CBL: variants seen among roughly 807,000 people sequenced by gnomAD.
The protein encoded by CBL is E3 ubiquitin-protein ligase CBL.
A neutral mutation model predicts 96.9 loss-of-function variants in CBL; 45 were observed. The observed-to-expected ratio is 0.46, with a 90% confidence interval of 0.37 to 0.60. The LOEUF (loss-of-function observed/expected upper bound fraction) is 0.60. Ranked by LOEUF, CBL falls within the 20% of genes least tolerant of loss-of-function variation. The probability of loss-of-function intolerance (pLI) is 0.00; values close to 1 mark genes in which losing one functional copy is unlikely to be tolerated. For missense variants in CBL, 1,024 were observed against 1,143.5 expected, an observed-to-expected ratio of 0.90 and a Z score of 1.51; for synonymous variants, 420 against 426.8, an observed-to-expected ratio of 0.98 and a Z score of 0.20.
At chr11:119,263,844 T>G (rs1178873424) in intron 2 of CBL, among the ~76,000 whole-genome samples, 1 of 152,218 alleles carries the variant, frequency 6.6e-6, no homozygotes, top group Non-Finnish European at 1.5e-5. Context: ...CTCAGCATTC[T>G]TTAGATGACA....
intron 9 of CBL, among the ~76,000 whole-genome samples, chr11:119,279,663 G>A (rs533610550): frequency 1.3e-5 from 2 of 152,074 alleles, no homozygotes; most frequent in African/African-American, 4.8e-5. Context: ...TAAATAAATA[G>A]TAATTGTATA....
In CBL at chr11:119,233,653, T is replaced by A. The variant is rs114812268; in HGVS notation, c.443+958T>A. ...AACTGTATGTGTGGATGTAATTGTG[T>A]TTTATTTTGTTCAATTTGAACTAAA... On this transcript the variant is annotated intron_variant, in intron 2 of 15. Transcript: ENST00000264033. Among the ~76,000 whole-genome samples the A allele has an allele frequency of 7.5e-3, 1,136 of 152,372 alleles. 12 individuals carry two copies. The highest frequency in any genetic ancestry group is 0.022 in the African/African-American group (921 of 41,596).
At chr11:119,246,512 C>T (rs1186431477) in intron 2 of CBL, among the ~76,000 whole-genome samples, 1 of 152,020 alleles carries the variant, frequency 6.6e-6, no homozygotes, top group Admixed American at 6.6e-5. Flanking sequence ...AGTGCAATGG[C>T]ACAATCTCAG....
At chr11:119,210,930 A>G (rs1346385914) in intron 1 of CBL, among the ~76,000 whole-genome samples, 1 of 152,174 alleles carries the variant, frequency 6.6e-6, no homozygotes, top group East Asian at 1.9e-4. Flanking sequence ...AACCGTGTAC[A>G]TATACTATGT....
intron 2 of CBL, among the ~76,000 whole-genome samples, chr11:119,251,057 C>T (rs1949666258): frequency 6.6e-6 from 1 of 152,126 alleles, no homozygotes; most frequent in African/African-American, 2.4e-5. Context: ...GAAGTTGTCC[C>T]AGTCTAAAAT....
At chr11:119,275,848 C>G in intron 5 of CBL, 149 bp from the exon 6 acceptor site, 1 of 801,442 alleles carries the variant, frequency 1.2e-6, no homozygotes. Flanking sequence ...GGTGACAGAG[C>G]CAGACTCCAT....
intron 1 of CBL, among the ~76,000 whole-genome samples, chr11:119,229,084 T>C (rs529362491): frequency 1.1e-4 from 17 of 152,284 alleles, no homozygotes; most frequent in African/African-American, 3.9e-4. Flanking sequence ...TGTTTAGTTT[T>C]CAGTTTTTGC....
intron 2 of CBL, among the ~76,000 whole-genome samples, chr11:119,260,633 A>G (rs1949747331): frequency 6.6e-6 from 1 of 152,164 alleles, no homozygotes; most frequent in South Asian, 2.1e-4. Context: ...TATTATTGGT[A>G]ATACCCTAGG....
intron 1 of CBL, 111 bp downstream of exon 1, chr11:119,206,723 C>T (rs1949272457): frequency 1.6e-6 from 1 of 644,464 alleles, no homozygotes. Flanking sequence ...CTGGTGAAGC[C>T]GGGGAGGCGC....
At chr11:119,249,704 C>T (rs1213708357) in intron 2 of CBL, among the ~76,000 whole-genome samples, 1 of 150,226 alleles carries the variant, frequency 6.7e-6, no homozygotes, top group African/African-American at 2.5e-5. Flanking sequence ...CTCCCTTTAT[C>T]TCCCAGGTGG....
At chr11:119,228,814 C>CTCT (rs1949479282) in intron 1 of CBL, among the ~76,000 whole-genome samples, 2 of 63,072 alleles carry the variant, frequency 3.2e-5, no homozygotes, top group Non-Finnish European at 5.8e-5. Flanking sequence ...CTCTCTCTCT[C>CTCT]TTTTTTTTTT....
chr11:119,231,729 A>AAC (rs1949503162), intron 1 of CBL, among the ~76,000 whole-genome samples: 1 of 151,854 alleles, frequency 6.6e-6, no homozygotes, highest in Admixed American at 6.6e-5. Context: ...CAAACAAACA[A>AAC]AGCTCAAGAC....
chr11:119,225,549 C>T (rs1949451558), intron 1 of CBL, among the ~76,000 whole-genome samples: 1 of 152,020 alleles, frequency 6.6e-6, no homozygotes, highest in South Asian at 2.1e-4. Context: ...CAGGCATGTG[C>T]ACCACATCCA....
At chr11:119,252,836 A>G (rs1198566665) in intron 2 of CBL, among the ~76,000 whole-genome samples, 1 of 151,444 alleles carries the variant, frequency 6.6e-6, no homozygotes, top group African/African-American at 2.4e-5. Context: ...AGCCGAGGTC[A>G]TGCCATTACA....
In CBL at chr11:119,227,628, G is replaced by A. The variant is rs552292345; in HGVS notation, c.196-4820G>A. 1.2e-4 allele frequency among the ~76,000 whole-genome samples: 18 copies of A among 151,328 alleles called. No homozygotes were observed. The East Asian group carries it at 2.9e-3, about 24-fold the overall frequency. ...TGCAATGGTGCGATCTTGGCTCAAC[G>A]CAACCTCTGCCTCCCGGGTTCAAGC... On this transcript the variant is annotated intron_variant, in intron 1 of 15. Transcript: ENST00000264033.
intron 12 of CBL, among the ~76,000 whole-genome samples, chr11:119,292,045 G>A (rs1358441632): frequency 6.6e-6 from 1 of 152,038 alleles, no homozygotes; most frequent in Non-Finnish European, 1.5e-5. Flanking sequence ...TAGAGATGGG[G>A]TTTCACCATT....
intron 12 of CBL, among the ~76,000 whole-genome samples, chr11:119,292,881 G>T (rs970919995): frequency 6.6e-6 from 1 of 152,160 alleles, no homozygotes; most frequent in African/African-American, 2.4e-5. Context: ...TTAAGATGGG[G>T]TTATGTCCCA....
intron 2 of CBL, among the ~76,000 whole-genome samples, chr11:119,266,878 G>T (rs1337189073): frequency 6.6e-6 from 1 of 152,054 alleles, no homozygotes; most frequent in Non-Finnish European, 1.5e-5. Flanking sequence ...CTGTCTTCAG[G>T]GTATTTACAA....
intron 2 of CBL, among the ~76,000 whole-genome samples, chr11:119,252,446 G>T (rs916832326): frequency 6.6e-6 from 1 of 152,192 alleles, no homozygotes; most frequent in African/African-American, 2.4e-5. Flanking sequence ...GCCACTTAGG[G>T]AAAGAAAATC....
Sources: allele counts gnomAD v4.1 joint callset (sites outside exome capture counted in the v4.1 genomes callset), GRCh38; gene constraint gnomAD v4.1.1; transcripts MANE v1.5; gene names NCBI Gene and HGNC (gene_info 2026-07-23, HGNC 2026-07-21).